PCDHGA2: variants seen among roughly 807,000 people sequenced by gnomAD.
PCDHGA2 encodes the protein protocadherin gamma-A2.
In PCDHGA2, 40 loss-of-function variants were observed where a neutral mutation model predicts 59.2. That is an observed-to-expected ratio of 0.68 (90% CI 0.52 to 0.88). PCDHGA2 has a LOEUF of 0.88. PCDHGA2 is among the 40% of genes least tolerant of loss of function. The pLI is 0.00. For missense variants in PCDHGA2, 1,226 were observed against 1,204.0 expected, an observed-to-expected ratio of 1.02 and a Z score of -0.27; for synonymous variants, 560 against 526.0, an observed-to-expected ratio of 1.06 and a Z score of -0.89.
chr5:141,339,026 CT>C lies in PCDHGA2; in HGVS notation c.59del (p.Leu20TrpfsTer26). ...HCRKLVLLCFLLATLWEARAG... is the reference protein window; with the variant it reads ...HCRKLVLLCFXLATLWEARAG... ...CAGAAAGCTGGTCCTGCTGTGCTTC[CT>C]TTTGGCGACCCTGTGGGAGGCCAGG... On this transcript the variant is annotated frameshift_variant, in exon 1 of 4. Coordinates refer to ENST00000394576, the MANE Select transcript of PCDHGA2 (RefSeq NM_018915.4). LOFTEE classifies it high-confidence loss of function. 6.3e-7 allele frequency: 1 copy of C among 1,593,596 alleles called. No individual in the cohort carries two copies. Among genetic ancestry groups the C allele is most frequent in the South Asian group, 1.1e-5 (1 of 89,722 alleles).
chr5:141,487,477 C>A lies in PCDHGA2; in HGVS notation c.2425-7330C>A, dbSNP rs748435479. On this transcript the variant is annotated intron_variant, in intron 1 of 3. Transcript: ENST00000394576. The surrounding 1 kb of genome is among the most constrained non-coding windows in gnomAD (Gnocchi z 5.0). ...TCAAGTTTGTTGATGTGGGAGGCCA[C>A]TCTCATGGCTGTACACCCTTGGCTT... 1 of 1,614,200 alleles carries A rather than the reference C, an allele frequency of 6.2e-7. No individual in the cohort carries two copies. The highest frequency in any genetic ancestry group is 1.7e-5 in the Admixed American group (1 of 60,030).
At chr5:141,414,015 A>C in intron 1 of PCDHGA2, 1 of 1,613,160 alleles carries the variant, frequency 6.2e-7, no homozygotes, top group South Asian at 1.1e-5. Context: ...CCAATGGAGA[A>C]GTGACATATT....
chr5:141,481,142 G>T (rs2099532501), intron 1 of PCDHGA2, among the ~76,000 whole-genome samples: 1 of 152,212 alleles, frequency 6.6e-6, no homozygotes, highest in Non-Finnish European at 1.5e-5. Context: ...GAAGTAAAGT[G>T]TTATTCTGGT....
chr5:141,396,727 G>T (rs2093426642), intron 1 of PCDHGA2: 1 of 152,114 alleles, frequency 6.6e-6, no homozygotes, highest in Non-Finnish European at 1.5e-5. Flanking sequence ...TACCTGAATT[G>T]ATTGTTGTAA....
intron 1 of PCDHGA2, chr5:141,364,901 T>C (rs867026353): frequency 1.9e-6 from 3 of 1,613,962 alleles, no homozygotes; most frequent in Middle Eastern, 3.3e-4. Context: ...TGGACAAAAG[T>C]ATCCGGAGCT....
At position 141,370,970 on chromosome 5, in the gene PCDHGA2, A is replaced by G. The variant is rs773655204; in HGVS notation, c.2424+29575A>G. The G allele has an allele frequency of 4.3e-6, 7 of 1,614,032 alleles. 1 individual carries two copies. Among genetic ancestry groups the G allele is most frequent in the East Asian group, 4.5e-5 (2 of 44,890 alleles). The stretch of plus-strand genomic sequence containing the variant: ...AGAACCTGGATGGCAGTAGGTACCC[A>G]GAGCTAGTACTGAAAGCACCCCTGG... On this transcript the variant is annotated intron_variant, in intron 1 of 3. Transcript: ENST00000394576.
At chr5:141,370,227 G>C (rs375551989) in intron 1 of PCDHGA2, 1 of 585,120 alleles carries the variant, frequency 1.7e-6, no homozygotes. Context: ...GCTGCAGCCA[G>C]CTCGGAAGAA....
In PCDHGA2 at chr5:141,340,979, G is replaced by A. The variant is rs755988520; in HGVS notation, c.2008G>A (p.Asp670Asn). ...LTVAVADRIP[D>N]ILADLGSLEP... ...CGTGGCCGTGGCCGACAGGATCCCC[G>A]ACATCCTGGCCGACCTGGGCAGCCT... Residue 670 changes from aspartate to asparagine, a missense_variant, in exon 1 of 4, where the codon GAC (aspartate) becomes AAC (asparagine). Asp to Asn is a conservative substitution (Grantham distance 23, BLOSUM62 1). Transcript: ENST00000394576. 3.1e-6 allele frequency: 5 copies of A among 1,613,790 alleles called. No homozygotes were observed. Among genetic ancestry groups the A allele is most frequent in the Non-Finnish European group, 4.2e-6 (5 of 1,179,852 alleles).
chr5:141,371,147 T>G (rs1383396635), intron 1 of PCDHGA2: 1 of 1,614,026 alleles, frequency 6.2e-7, no homozygotes, highest in South Asian at 1.1e-5. Context: ...GGGTCAATGT[T>G]GCAGAGAACC....
At chr5:141,385,027 G>T (rs1487991378) in intron 1 of PCDHGA2, 3 of 1,614,036 alleles carry the variant, frequency 1.9e-6, no homozygotes, top group East Asian at 2.2e-5. Context: ...CTTCGTCCTC[G>T]TACTGCTGGC....
At chr5:141,398,367 G>C (rs1480641333) in intron 1 of PCDHGA2, 1 of 1,430,476 alleles carries the variant, frequency 7.0e-7, no homozygotes, top group Non-Finnish European at 9.7e-7. Context: ...TGAGCGCAGA[G>C]AGCGGGGAGT....
intron 1 of PCDHGA2, chr5:141,421,492 G>C: frequency 1.7e-5 from 28 of 1,614,106 alleles, no homozygotes; most frequent in Non-Finnish European, 2.3e-5. Flanking sequence ...GATCACGGCA[G>C]GCAGGATAGA....
chr5:141,510,958 G>A lies in PCDHGA2; in HGVS notation c.2584G>A (p.Gly862Arg). 6.2e-7 allele frequency: 1 copy of A among 1,614,130 alleles called. No homozygotes were observed. Among genetic ancestry groups the A allele is most frequent in the Non-Finnish European group, 8.5e-7 (1 of 1,180,012 alleles). The change falls in exon 4 of 4, where the codon GGG becomes AGG. Residue 862 changes from glycine to arginine, a missense_variant. Transcript: ENST00000394576. The stretch of plus-strand genomic sequence containing the variant: ...CTCTGTCTCTGCAGAAGCTGCTGAT[G>A]GGAGCTCCACCCTGGGAGGGGGTGC... ...ILASASEAAD[G>R]SSTLGGGAGT...
intron 1 of PCDHGA2, chr5:141,351,597 C>T (rs1316640191): frequency 6.2e-7 from 1 of 1,614,084 alleles, no homozygotes; most frequent in Non-Finnish European, 8.5e-7. Context: ...GACAATGCAC[C>T]TGTTTTCCAT....
intron 1 of PCDHGA2, chr5:141,351,088 T>C: frequency 6.2e-7 from 1 of 1,614,076 alleles, no homozygotes. Flanking sequence ...AGATCACCTA[T>C]GCCTTCCTCA....
intron 1 of PCDHGA2, among the ~76,000 whole-genome samples, chr5:141,381,934 A>C (rs1777775116): frequency 7.0e-6 from 1 of 143,002 alleles, no homozygotes; most frequent in Non-Finnish European, 1.5e-5. Flanking sequence ...GGTTCAAGCG[A>C]TTTTCCTGCC....
intron 1 of PCDHGA2, chr5:141,372,871 G>A: frequency 7.4e-7 from 1 of 1,350,238 alleles, no homozygotes; most frequent in African/African-American, 1.5e-5. Context: ...TTGATTTAGA[G>A]ATAAAAAGAA....
In PCDHGA2 at chr5:141,487,938, G is replaced by A; in HGVS notation, c.2425-6869G>A. ...GAGGCTACAGTGCACAGGGTACAGT[G>A]CACCAGGCAGTCACTTGGACAAAGG... is the stretch of plus-strand genomic sequence containing the variant. On this transcript the variant is annotated intron_variant, in intron 1 of 3. Coordinates refer to ENST00000394576, the MANE Select transcript of PCDHGA2 (RefSeq NM_018915.4). This position sits in a 1 kb window ranked among gnomAD's most constrained non-coding sequence, Gnocchi z 5.0. 1.7e-6 allele frequency: 1 copy of A among 600,308 alleles called. No homozygotes were observed. The highest frequency in any genetic ancestry group is 2.9e-6 in the Non-Finnish European group (1 of 342,970). 37.2% of individuals were successfully genotyped at this position (600,308 alleles called of 1,614,324 possible).
At position 141,343,385 on chromosome 5, in the gene PCDHGA2, A is replaced by G. The variant is rs540263995; in HGVS notation, c.2424+1990A>G. 3 of 981,946 alleles carry G rather than the reference A, an allele frequency of 3.1e-6. No homozygotes were observed. In the African/African-American group the frequency reaches 5.2e-5, roughly 17 times the overall value. 60.8% of individuals were successfully genotyped at this position (981,946 alleles called of 1,614,324 possible). A position where few individuals can be genotyped will look rare whatever the true frequency, so the allele number is the denominator to read the frequency against. ...GAGTATAGAGAGGGAAAGGTCAAAG[A>G]GGAGGTGGATATCTTATCAAATAAC... On this transcript the variant is annotated intron_variant, in intron 1 of 3. Coordinates refer to ENST00000394576, the MANE Select transcript of PCDHGA2 (RefSeq NM_018915.4).
Sources: gnomAD v4.1 joint callset for allele counts (sites outside exome capture counted in the v4.1 genomes callset) on GRCh38, gnomAD v4.1.1 for gene constraint, Gnocchi (gnomAD v3.1) non-coding constraint, MANE v1.5 for transcripts, NCBI Gene and HGNC (gene_info 2026-07-23, HGNC 2026-07-21) for gene names.